The following BOC variants were observed in gnomAD, a reference collection of about 807,000 sequenced individuals.
BOC encodes brother of CDO.
A neutral mutation model predicts 112.0 loss-of-function variants in BOC; 76 were observed. The observed-to-expected ratio is 0.68, with a 90% CI of 0.56 to 0.82. BOC has a LOEUF of 0.82. Ranked by LOEUF, BOC falls within the 40% of genes least tolerant of loss-of-function variation. The pLI is 0.00. For missense variants in BOC, 1,309 were observed against 1,511.7 expected (o/e 0.87, Z 2.22); for synonymous variants, 580 against 599.8 (o/e 0.97, Z 0.48).
chr3:113,241,668 G>A (rs1352206635), intron 2 of BOC, among the ~76,000 whole-genome samples: 1 of 152,232 alleles, frequency 6.6e-6, no homozygotes, highest in East Asian at 1.9e-4. Flanking sequence ...CTATCTCACT[G>A]CATTACAATG....
At chr3:113,280,409 A>C (rs1949082324) in intron 13 of BOC, 149 bp from the exon 14 acceptor site, 2 of 638,552 alleles carry the variant, frequency 3.1e-6, no homozygotes, top group African/African-American at 3.7e-5. Flanking sequence ...TTTTCAGAGA[A>C]CCTCAGGGAT....
chr3:113,246,056 A>C (rs973033725), intron 2 of BOC, among the ~76,000 whole-genome samples: 14 of 152,344 alleles, frequency 9.2e-5, no homozygotes, highest in African/African-American at 2.2e-4. Flanking sequence ...CTCTGAGGCT[A>C]CAGTTTCTCA....
intron 6 of BOC, 166 bp from the exon 7 acceptor site, chr3:113,272,244 C>A: frequency 1.4e-6 from 1 of 714,364 alleles, no homozygotes; most frequent in Non-Finnish European, 2.3e-6. Context: ...GATAAGGACA[C>A]CAAGCCCCAA....
At chr3:113,214,260 T>A (rs1166759296) in intron 1 of BOC, among the ~76,000 whole-genome samples, 3 of 152,254 alleles carry the variant, frequency 2.0e-5, no homozygotes, top group African/African-American at 2.4e-5. Flanking sequence ...ATTTTCCCTT[T>A]TTTTGAAGTG....
At chr3:113,260,886 C>T (rs977842694) in intron 4 of BOC, among the ~76,000 whole-genome samples, 1 of 152,114 alleles carries the variant, frequency 6.6e-6, no homozygotes, top group African/African-American at 2.4e-5. Flanking sequence ...TGAGGTGGAA[C>T]AGTTTTATCC....
intron 1 of BOC, chr3:113,212,658 C>G (rs1451877273): frequency 6.6e-6 from 1 of 152,642 alleles, no homozygotes; most frequent in Non-Finnish European, 1.5e-5. Context: ...CCGAGTGGCC[C>G]GAGGTGTCTG....
chr3:113,247,663 C>A (rs555882424), intron 2 of BOC, among the ~76,000 whole-genome samples: 12 of 152,220 alleles, frequency 7.9e-5, no homozygotes, highest in African/African-American at 2.9e-4. Context: ...GGGATATAGT[C>A]GTCACCTTGC....
intron 2 of BOC, among the ~76,000 whole-genome samples, chr3:113,229,247 G>A (rs1326214856): frequency 2.0e-5 from 3 of 152,226 alleles, no homozygotes; most frequent in African/African-American, 7.2e-5. Flanking sequence ...GTCTGATCTG[G>A]TATTAAGAGG....
At chr3:113,216,008 G>A (rs890047303) in intron 1 of BOC, among the ~76,000 whole-genome samples, 179 bp from the exon 2 acceptor site, 1 of 152,194 alleles carries the variant, frequency 6.6e-6, no homozygotes, top group Non-Finnish European at 1.5e-5. Context: ...AGGGAGCCAG[G>A]AAACTGGACA....
intron 2 of BOC, among the ~76,000 whole-genome samples, chr3:113,246,777 G>T (rs9288981): frequency 6.6e-6 from 1 of 151,848 alleles, no homozygotes; most frequent in East Asian, 1.9e-4. Flanking sequence ...TCTTACAACT[G>T]TGTTGTGGGG....
Position 113,249,747 on chromosome 3 carries a change from C to A in BOC, c.-56C>A. 1 of 1,464,326 alleles carries A rather than the reference C, an allele frequency of 6.8e-7. No homozygotes were observed. The highest frequency in any genetic ancestry group is 9.4e-7 in the Non-Finnish European group (1 of 1,062,208). The allele number at this position is 1,464,326 out of a possible 1,614,324, so 90.7% of individuals were successfully genotyped here. A position where few individuals can be genotyped will look rare whatever the true frequency, so the allele number is the denominator to read the frequency against. On this transcript the variant is annotated 5_prime_UTR_variant, in exon 3 of 20. Coordinates refer to ENST00000682979, the MANE Select transcript of BOC (RefSeq NM_001378074.1). Reference sequence around the variant, plus strand: ...AGTGTTGCCAGGGACGGCAGTATCTCTTTGTGTGACCCTGGCGGCTTATGG... The same window carrying A: ...AGTGTTGCCAGGGACGGCAGTATCTATTTGTGTGACCCTGGCGGCTTATGG...
chr3:113,281,553 C>T (rs1196492107), intron 15 of BOC, among the ~76,000 whole-genome samples: 2 of 152,158 alleles, frequency 1.3e-5, no homozygotes, highest in African/African-American at 2.4e-5. Flanking sequence ...GCCATGCAGC[C>T]GGTTAGGGGT....
rs368918069 is a variant in BOC, at chr3:113,273,018, C to T, written c.962-51C>T. 3.2e-6 allele frequency: 5 copies of T among 1,557,990 alleles called. No homozygotes were observed. In the African/African-American group the frequency reaches 5.4e-5, roughly 17 times the overall value. ...CTACATCCCTCCCAGCCCATCTGGC[C>T]CTGGGACAGAAAGACACAGCCCTTC... On this transcript the variant is annotated intron_variant, in intron 7 of 19. Coordinates refer to ENST00000682979, the MANE Select transcript of BOC (RefSeq NM_001378074.1).
rs765259095 is a variant in BOC, at chr3:113,271,094, C to T, written c.667+150C>T. 4 of 1,169,226 alleles carry T rather than the reference C, an allele frequency of 3.4e-6. No homozygotes were observed. In the Admixed American group the frequency reaches 5.6e-5, roughly 16 times the overall value. The allele number at this position is 1,169,226 out of a possible 1,614,324, so 72.4% of individuals were successfully genotyped here. On this transcript the variant is annotated intron_variant, in intron 6 of 19. Transcript: ENST00000682979. ...GGCCAGGGGGACAGCCAGGGGTTCTCAGCCAGGGATTCTCTCCCCTCTGGC... is the reference window on the plus strand; with the variant it reads ...GGCCAGGGGGACAGCCAGGGGTTCTTAGCCAGGGATTCTCTCCCCTCTGGC...
chr3:113,275,706 C>T (rs149406837), intron 9 of BOC, among the ~76,000 whole-genome samples: 1 of 152,220 alleles, frequency 6.6e-6, no homozygotes, highest in Non-Finnish European at 1.5e-5. Flanking sequence ...TTCTCCACTC[C>T]TCCCCACCTC....
intron 19 of BOC, among the ~76,000 whole-genome samples, chr3:113,286,261 C>T (rs945635501): frequency 2.0e-5 from 3 of 152,150 alleles, no homozygotes; most frequent in African/African-American, 7.2e-5. Flanking sequence ...TAAAGCTCGA[C>T]CCAGCATCAT....
At chr3:113,221,542 G>A (rs1419993426) in intron 2 of BOC, among the ~76,000 whole-genome samples, 1 of 152,158 alleles carries the variant, frequency 6.6e-6, no homozygotes. Flanking sequence ...AGTCATCCTT[G>A]ACTATGTTCT....
At chr3:113,222,422 T>TG (rs1254165900) in intron 2 of BOC, among the ~76,000 whole-genome samples, 1 of 152,098 alleles carries the variant, frequency 6.6e-6, no homozygotes, top group Non-Finnish European at 1.5e-5. Context: ...TATATGTATA[T>TG]GGGGGGAAAA....
intron 19 of BOC, 79 bp from the exon 20 acceptor site, chr3:113,286,596 A>C: frequency 2.0e-4 from 244 of 1,215,622 alleles, no homozygotes; most frequent in Non-Finnish European, 2.5e-4. Context: ...CACCACAGAT[A>C]GAGATTGGCC....
Sources: allele counts gnomAD v4.1 joint callset (sites outside exome capture counted in the v4.1 genomes callset), GRCh38; gene constraint gnomAD v4.1.1; transcripts MANE v1.5; gene names NCBI Gene and HGNC (gene_info 2026-07-23, HGNC 2026-07-21).